ERBB4: variants seen among roughly 807,000 people sequenced by gnomAD.
ERBB4 encodes receptor tyrosine-protein kinase erbB-4.
ERBB4 carries 42 observed loss-of-function variants against 158.0 expected under a neutral mutation model. The observed-to-expected ratio is 0.27, with a 90% CI of 0.21 to 0.34. The LOEUF (loss-of-function observed/expected upper bound fraction) is 0.34. ERBB4 is among the 10% of genes least tolerant of loss of function. ERBB4 has a pLI of 1.00. For missense variants in ERBB4, 1,333 were observed against 1,624.1 expected, an observed-to-expected ratio of 0.82 and a Z score of 3.08; for synonymous variants, 583 against 558.7, an observed-to-expected ratio of 1.04 and a Z score of -0.61.
chr2:211,716,721 A>C (rs201920281), intron 7 of ERBB4, among the ~76,000 whole-genome samples: 2,971 of 29,132 alleles, frequency 0.1, 27 homozygotes, highest in South Asian at 0.18. Flanking sequence ...AAAAAAAAAC[A>C]AAAAAAAAAG....
intron 1 of ERBB4, among the ~76,000 whole-genome samples, chr2:212,349,900 T>C (rs1388878310): frequency 1.3e-5 from 2 of 151,702 alleles, no homozygotes; most frequent in Non-Finnish European, 2.9e-5. Context: ...AAGGGGAAAA[T>C]AGATTTGGAA....
chr2:212,458,392 A>T (rs948244513), intron 1 of ERBB4, among the ~76,000 whole-genome samples: 2 of 152,140 alleles, frequency 1.3e-5, no homozygotes, highest in African/African-American at 4.8e-5. Context: ...GGATTACGGC[A>T]TTCAAGTAGA....
At chr2:211,535,516 A>G (rs1004793025) in intron 20 of ERBB4, 3 of 151,984 alleles carry the variant, frequency 2.0e-5, no homozygotes, top group African/African-American at 4.8e-5. Context: ...CATCTCCGAA[A>G]TGGGAATAAT....
chr2:212,074,480 C>T (rs2078217342), intron 2 of ERBB4, among the ~76,000 whole-genome samples: 1 of 151,646 alleles, frequency 6.6e-6, no homozygotes, highest in Non-Finnish European at 1.5e-5. Flanking sequence ...TCATAATGCC[C>T]CAAAAATCAA....
At position 211,377,354 on chromosome 2, in the gene ERBB4, A is replaced by G. The variant is rs1441726383; in HGVS notation, c.*6261T>C. ...CAAAGTGGTTTGGACAAGTTAGACTATTGCCTACAGGTATGAATCTTTGTT... is the reference window on the plus strand; with the variant it reads ...CAAAGTGGTTTGGACAAGTTAGACTGTTGCCTACAGGTATGAATCTTTGTT... On this transcript the variant is annotated 3_prime_UTR_variant, in exon 28 of 28. Transcript: ENST00000342788. The G allele has an allele frequency of 1.3e-5, 3 of 231,824 alleles. No individual in the cohort carries two copies. Among genetic ancestry groups the G allele is most frequent in the East Asian group, 1.2e-4 (2 of 16,368 alleles). The allele number at this position is 231,824 out of a possible 1,614,324, so 14.4% of individuals were successfully genotyped here.
chr2:212,388,620 T>C (rs1358494544), intron 1 of ERBB4, among the ~76,000 whole-genome samples: 1 of 152,008 alleles, frequency 6.6e-6, no homozygotes, highest in Non-Finnish European at 1.5e-5. Flanking sequence ...AAGTCAGGCA[T>C]CAAAAAAATG....
chr2:212,329,822 G>C (rs937196110), intron 1 of ERBB4, among the ~76,000 whole-genome samples: 1 of 151,992 alleles, frequency 6.6e-6, no homozygotes, highest in African/African-American at 2.4e-5. Flanking sequence ...ATCAGAAAAA[G>C]GTTCCTGAAG....
chr2:211,807,318 T>C (rs2105905335), intron 3 of ERBB4, among the ~76,000 whole-genome samples: 1 of 152,230 alleles, frequency 6.6e-6, no homozygotes, highest in East Asian at 1.9e-4. Flanking sequence ...GACAGGCCCC[T>C]GGGTGTGACG....
In ERBB4 at chr2:211,905,752, A is replaced by ATG. The variant is rs1410120349; in HGVS notation, c.421+41677_421+41678insCA. Among the ~76,000 whole-genome samples the ATG allele has an allele frequency of 4.9e-5, 7 of 143,554 alleles. No homozygotes were observed. In the East Asian group the frequency reaches 1.4e-3, roughly 29 times the overall value. 94.2% of individuals were successfully genotyped at this position (143,554 alleles called of 152,430 possible). A position where few individuals can be genotyped will look rare whatever the true frequency, so the allele number is the denominator to read the frequency against. The stretch of plus-strand genomic sequence containing the variant: ...TGTGTGTGCATGTGTGTGTATATAT[A>ATG]TATATATATATACTATTATGTATAC... On this transcript the variant is annotated intron_variant, in intron 3 of 27. Coordinates refer to ENST00000342788, the MANE Select transcript of ERBB4 (RefSeq NM_005235.3).
At chr2:212,363,396 GATA>G (rs1209074587) in intron 1 of ERBB4, among the ~76,000 whole-genome samples, 3 of 151,326 alleles carry the variant, frequency 2.0e-5, no homozygotes, top group African/African-American at 7.3e-5. Context: ...CATAGCTACA[GATA>G]ATACCTAGAT....
At chr2:212,102,090 T>TATA (rs1553558603) in intron 2 of ERBB4, among the ~76,000 whole-genome samples, 13,507 of 108,106 alleles carry the variant, frequency 0.12, 1,509 homozygotes, top group African/African-American at 0.24. Flanking sequence ...AAAATTTATT[T>TATA]TATATATATA....
chr2:212,088,043 G>T (rs1479647673), intron 2 of ERBB4, among the ~76,000 whole-genome samples: 1 of 151,974 alleles, frequency 6.6e-6, no homozygotes, highest in Non-Finnish European at 1.5e-5. Flanking sequence ...TTTTTTATTT[G>T]TTGTGTTGTT....
At chr2:211,993,307 T>C (rs1365158054) in intron 2 of ERBB4, among the ~76,000 whole-genome samples, 1 of 152,186 alleles carries the variant, frequency 6.6e-6, no homozygotes, top group Non-Finnish European at 1.5e-5. Context: ...AAAAGCCATG[T>C]GAAGACACGA....
At chr2:212,056,126 C>T (rs548767201) in intron 2 of ERBB4, among the ~76,000 whole-genome samples, 100 of 152,114 alleles carry the variant, frequency 6.6e-4, no homozygotes, top group Middle Eastern at 3.4e-3. Context: ...AACTACGTGA[C>T]GAATACACAA....
intron 1 of ERBB4, among the ~76,000 whole-genome samples, chr2:212,225,503 TTTA>T (rs1305804546): frequency 5.9e-4 from 68 of 116,096 alleles, no homozygotes; most frequent in African/African-American, 2.1e-3. Flanking sequence ...TTTGAATCAT[TTTA>T]TTGTCACAAA....
At chr2:212,057,004 A>G (rs1294689862) in intron 2 of ERBB4, among the ~76,000 whole-genome samples, 2 of 152,150 alleles carry the variant, frequency 1.3e-5, no homozygotes, top group East Asian at 3.9e-4. Context: ...AAGAGTCAAG[A>G]CTCATCAGTG....
At chr2:212,033,179 T>C (rs1454907670) in intron 2 of ERBB4, among the ~76,000 whole-genome samples, 5 of 152,120 alleles carry the variant, frequency 3.3e-5, no homozygotes, top group African/African-American at 9.6e-5. Context: ...TGTTAGAGAC[T>C]GATTTATATT....
At chr2:211,580,897 A>AT (rs2068082215) in intron 19 of ERBB4, among the ~76,000 whole-genome samples, 1 of 8,478 alleles carries the variant, frequency 1.2e-4, no homozygotes, top group Non-Finnish European at 3.6e-4. Flanking sequence ...ATATATATAT[A>AT]TATATATATA....
intron 3 of ERBB4, among the ~76,000 whole-genome samples, chr2:211,896,066 C>A (rs1478411633): frequency 6.6e-6 from 1 of 152,148 alleles, no homozygotes; most frequent in Non-Finnish European, 1.5e-5. Flanking sequence ...GTCTTCTCTA[C>A]CTATACTTCC....
Sources: allele counts gnomAD v4.1 joint callset (sites outside exome capture counted in the v4.1 genomes callset), GRCh38; gene constraint gnomAD v4.1.1; transcripts MANE v1.5; gene names NCBI Gene and HGNC (gene_info 2026-07-23, HGNC 2026-07-21).